Variants in RAB27A observed in about 807,000 individuals in gnomAD.
RAB27A encodes RAB27A, member RAS oncogene family.
A neutral mutation model predicts 20.8 loss-of-function variants in RAB27A; 17 were observed. That is an observed-to-expected ratio of 0.82 (90% CI 0.56 to 1.23). The LOEUF is 1.23. Ranked by LOEUF, RAB27A falls within the 50% of genes most tolerant of loss-of-function variation. RAB27A has a pLI of 0.00. For missense variants in RAB27A, 277 were observed against 266.7 expected, an observed-to-expected ratio of 1.04 and a Z score of -0.27; for synonymous variants, 85 against 92.8, an observed-to-expected ratio of 0.92 and a Z score of 0.48.
At chr15:55,264,901 C>G (rs1897406715) in intron 2 of RAB27A, among the ~76,000 whole-genome samples, 1 of 152,170 alleles carries the variant, frequency 6.6e-6, no homozygotes, top group Admixed American at 6.5e-5. Flanking sequence ...GAGCAACAGT[C>G]TAATAGGTAA....
intron 1 of RAB27A, among the ~76,000 whole-genome samples, chr15:55,282,176 T>G (rs1228019905): frequency 6.6e-6 from 1 of 152,230 alleles, no homozygotes; most frequent in Non-Finnish European, 1.5e-5. Context: ...CATCTAGATG[T>G]CACTTCTTTT....
intron 1 of RAB27A, among the ~76,000 whole-genome samples, chr15:55,274,174 A>C (rs1192078689): frequency 6.6e-6 from 1 of 152,066 alleles, no homozygotes; most frequent in East Asian, 1.9e-4. Context: ...ATCAAAAGGA[A>C]TTTTTTTTAA....
chr15:55,316,109 G>T (rs2055042136), intron 1 of RAB27A, among the ~76,000 whole-genome samples: 1 of 151,964 alleles, frequency 6.6e-6, no homozygotes, highest in South Asian at 2.1e-4. Flanking sequence ...GTGCACACAT[G>T]TAGTCCCAGC....
At position 55,305,361 on chromosome 15, in the gene RAB27A, C is replaced by T. The variant is rs538104418; in HGVS notation, c.-112+8678G>A. 3.9e-5 allele frequency among the ~76,000 whole-genome samples: 6 copies of T among 152,318 alleles called. No homozygotes were observed. The South Asian group carries it at 1.2e-3, about 32-fold the overall frequency. ...GATGTCATTAACATTGGAGCATGGG[C>T]TAGCAGGCTGGTCCAGGGGTCCACG... On this transcript the variant is annotated intron_variant, in intron 2 of 5. Transcript: ENST00000563262.
chr15:55,245,187 G>A (rs752938183), intron 2 of RAB27A, among the ~76,000 whole-genome samples: 15 of 152,132 alleles, frequency 9.9e-5, no homozygotes, highest in African/African-American at 3.6e-4. Context: ...CACTTCAAAA[G>A]CAAGATGCAT....
chr15:55,215,582 G>A (rs1251432598), intron 6 of RAB27A, among the ~76,000 whole-genome samples: 1 of 147,668 alleles, frequency 6.8e-6, no homozygotes, highest in Admixed American at 6.7e-5. Flanking sequence ...AACCCGGGAA[G>A]CGGAGCTTGC....
chr15:55,211,036 T>C (rs542095972), intron 6 of RAB27A, among the ~76,000 whole-genome samples: 19 of 152,328 alleles, frequency 1.2e-4, no homozygotes, highest in African/African-American at 4.6e-4. Context: ...TTCCCCTCTG[T>C]TCTTGGTACT....
Position 55,268,149 on chromosome 15 carries a change from CTTT to C in RAB27A, c.-23+2013_-23+2015del. Among the ~76,000 whole-genome samples, 2 of 143,662 alleles carry C rather than the reference CTTT, an allele frequency of 1.4e-5. 1 individual carries two copies. Among genetic ancestry groups the C allele is most frequent in the African/African-American group, 5.1e-5 (2 of 39,292 alleles). 94.2% of individuals were successfully genotyped at this position (143,662 alleles called of 152,430 possible). A position where few individuals can be genotyped will look rare whatever the true frequency, so the allele number is the denominator to read the frequency against. On this transcript the variant is annotated intron_variant, in intron 2 of 6. Coordinates refer to ENST00000336787, the MANE Select transcript of RAB27A (RefSeq NM_183235.3). Reference sequence around the variant, plus strand: ...GAATAAACACTCATCCCCAAAACATCTTTTTTTTTTTTTTGGTATTTATAATCC... The same window carrying C: ...GAATAAACACTCATCCCCAAAACATCTTTTTTTTTTTGGTATTTATAATCC...
At chr15:55,295,877 T>C (rs1469286784) in intron 2 of RAB27A, among the ~76,000 whole-genome samples, 1 of 152,118 alleles carries the variant, frequency 6.6e-6, no homozygotes, top group Non-Finnish European at 1.5e-5. Context: ...GCTTCAATTT[T>C]TTTTTTTTAA....
At chr15:55,296,521 G>C (rs2054950228) in intron 2 of RAB27A, among the ~76,000 whole-genome samples, 1 of 151,734 alleles carries the variant, frequency 6.6e-6, no homozygotes, top group South Asian at 2.1e-4. Context: ...AAAAAACAAA[G>C]AAAAACAAAA....
intron 1 of RAB27A, among the ~76,000 whole-genome samples, chr15:55,288,017 G>C (rs1193226359): frequency 6.6e-6 from 1 of 151,836 alleles, no homozygotes; most frequent in African/African-American, 2.4e-5. Flanking sequence ...TAAACAAATG[G>C]TGCTGAAAGA....
At chr15:55,308,364 C>G (rs2055006874) in intron 2 of RAB27A, among the ~76,000 whole-genome samples, 1 of 152,206 alleles carries the variant, frequency 6.6e-6, no homozygotes, top group South Asian at 2.1e-4. Context: ...GGTAAGCATA[C>G]TTAGAGTCTG....
chr15:55,222,553 A>C (rs139863432), intron 6 of RAB27A, among the ~76,000 whole-genome samples: 1 of 151,962 alleles, frequency 6.6e-6, no homozygotes, highest in African/African-American at 2.4e-5. Context: ...GATCAAATCT[A>C]ATCTCCTTAC....
intron 1 of RAB27A, among the ~76,000 whole-genome samples, chr15:55,283,160 C>T (rs1393509497): frequency 6.6e-6 from 1 of 152,118 alleles, no homozygotes; most frequent in African/African-American, 2.4e-5. Context: ...TGGGGGCTCT[C>T]CTGTGTACTG....
chr15:55,309,000 G>A (rs1003324309), intron 2 of RAB27A, among the ~76,000 whole-genome samples: 2 of 152,092 alleles, frequency 1.3e-5, no homozygotes, highest in Non-Finnish European at 2.9e-5. Context: ...GCTATTCCTG[G>A]TTTTTTTATG....
chr15:55,303,798 GC>G (rs1276564824), intron 2 of RAB27A, among the ~76,000 whole-genome samples: 1 of 124,964 alleles, frequency 8.0e-6, no homozygotes, highest in Non-Finnish European at 1.7e-5. Flanking sequence ...GGGGGGGTCA[GC>G]CCCCCGCCCG....
At chr15:55,232,005 G>C (rs935705541) in intron 3 of RAB27A, among the ~76,000 whole-genome samples, 1 of 152,122 alleles carries the variant, frequency 6.6e-6, no homozygotes, top group African/African-American at 2.4e-5. Flanking sequence ...CATGGGCAGG[G>C]CTCTACAAAT....
At chr15:55,302,544 G>C (rs897477182) in intron 2 of RAB27A, among the ~76,000 whole-genome samples, 1 of 149,088 alleles carries the variant, frequency 6.7e-6, no homozygotes, top group Non-Finnish European at 1.5e-5. Flanking sequence ...CATCGTCTGG[G>C]ATGCGAGGAG....
chr15:55,274,973 G>T (rs28860328), intron 1 of RAB27A, among the ~76,000 whole-genome samples: 2,688 of 151,268 alleles, frequency 0.018, 89 homozygotes, highest in African/African-American at 0.061. Flanking sequence ...TAATCCAGTC[G>T]GGCGCAGTGG....
Sources: allele counts gnomAD v4.1 joint callset (sites outside exome capture counted in the v4.1 genomes callset), GRCh38; gene constraint gnomAD v4.1.1; transcripts MANE v1.5; gene names NCBI Gene and HGNC (gene_info 2026-07-23, HGNC 2026-07-21).